Variants in SLC20A2 observed in about 807,000 individuals in gnomAD.
SLC20A2 encodes sodium-dependent phosphate transporter 2.
SLC20A2 carries 30 observed loss-of-function variants against 61.0 expected under a neutral mutation model. The ratio of observed to expected loss-of-function variants is 0.49; its 90% CI spans 0.37 to 0.67. The LOEUF (loss-of-function observed/expected upper bound fraction) is 0.67. SLC20A2 is among the 30% of genes least tolerant of loss of function. The pLI, the probability that SLC20A2 is intolerant of heterozygous loss-of-function variation, is 0.00. For synonymous variants in SLC20A2, 351 were observed against 353.3 expected, an observed-to-expected ratio of 0.99 and a Z score of 0.07; for missense variants, 626 against 866.4, an observed-to-expected ratio of 0.72 and a Z score of 3.48.
At chr8:42,481,990 T>C (rs532783638) in intron 1 of SLC20A2, among the ~76,000 whole-genome samples, 13 of 152,296 alleles carry the variant, frequency 8.5e-5, no homozygotes, top group Admixed American at 4.6e-4. Flanking sequence ...TGGGAAGGCA[T>C]TGCATAAATC....
In SLC20A2 at chr8:42,458,687, T is replaced by C. The variant is rs968144209; in HGVS notation, c.613+1209A>G. Among the ~76,000 whole-genome samples, 34 of 147,912 alleles carry C rather than the reference T, an allele frequency of 2.3e-4. 1 individual carries two copies. Among genetic ancestry groups the C allele is most frequent in the African/African-American group, 8.5e-4 (34 of 39,886 alleles). Reference sequence around the variant, plus strand: ...CTTTGGGAGGCCAAGGTGGGGCGGATCATGAGGTCAGGAGACTGAGACCAT... The same window carrying C: ...CTTTGGGAGGCCAAGGTGGGGCGGACCATGAGGTCAGGAGACTGAGACCAT... On this transcript the variant is annotated intron_variant, in intron 5 of 10. Transcript: ENST00000520262.
chr8:42,445,662 G>A (rs1297433771), intron 5 of SLC20A2, among the ~76,000 whole-genome samples: 1 of 152,118 alleles, frequency 6.6e-6, no homozygotes, highest in Non-Finnish European at 1.5e-5. Flanking sequence ...GGGAGGCGGA[G>A]GTTGCAGTGA....
intron 6 of SLC20A2, 83 bp from the exon 7 acceptor site, chr8:42,439,736 C>A: frequency 9.5e-7 from 1 of 1,047,626 alleles, no homozygotes; most frequent in South Asian, 1.4e-5. Flanking sequence ...GAATCTATAT[C>A]TTTATGCTTT....
intron 1 of SLC20A2, among the ~76,000 whole-genome samples, chr8:42,530,161 T>A (rs1812231557): frequency 6.6e-6 from 1 of 152,138 alleles, no homozygotes; most frequent in Non-Finnish European, 1.5e-5. Context: ...CAACCTAATT[T>A]ATCAGATGGT....
At chr8:42,438,937 G>A (rs1404469324) in intron 7 of SLC20A2, among the ~76,000 whole-genome samples, 1 of 152,106 alleles carries the variant, frequency 6.6e-6, no homozygotes, top group African/African-American at 2.4e-5. Flanking sequence ...GGCTGGTCTT[G>A]AATTCCTGAC....
At chr8:42,484,838 C>A in intron 1 of SLC20A2, 2 of 333,962 alleles carry the variant, frequency 6.0e-6, no homozygotes, top group South Asian at 5.2e-5. Flanking sequence ...GGGCATCCAG[C>A]CAGCTGGGTG....
chr8:42,524,594 T>C (rs1388176518), intron 1 of SLC20A2, among the ~76,000 whole-genome samples: 1 of 152,038 alleles, frequency 6.6e-6, no homozygotes, highest in Non-Finnish European at 1.5e-5. Context: ...GAGACCAGCC[T>C]TGCCAACATG....
chr8:42,527,381 GAA>G (rs35081913), intron 1 of SLC20A2, among the ~76,000 whole-genome samples: 17 of 147,148 alleles, frequency 1.2e-4, no homozygotes, highest in Admixed American at 1.4e-4. Context: ...CAAAATTAAG[GAA>G]AAAAAAAAAA....
chr8:42,523,351 A>AAAAT (rs1320958940), intron 1 of SLC20A2, among the ~76,000 whole-genome samples: 2 of 145,780 alleles, frequency 1.4e-5, no homozygotes, highest in Non-Finnish European at 1.5e-5. Context: ...ATAAATAAAT[A>AAAAT]AAATAAATAA....
At chr8:42,469,526 A>C (rs1264494746) in intron 2 of SLC20A2, among the ~76,000 whole-genome samples, 1 of 152,172 alleles carries the variant, frequency 6.6e-6, no homozygotes, top group Non-Finnish European at 1.5e-5. Context: ...CTTGTTCATG[A>C]ACCCTTCTGT....
upstream of SLC20A2, chr8:42,501,254 A>T (rs934932274): frequency 6.6e-6 from 1 of 152,226 alleles, no homozygotes; most frequent in Non-Finnish European, 1.5e-5. Flanking sequence ...GTGTGCCGGG[A>T]TTTATTCACT....
intron 1 of SLC20A2, among the ~76,000 whole-genome samples, chr8:42,500,418 A>G (rs2131345744): frequency 6.6e-6 from 1 of 152,232 alleles, no homozygotes; most frequent in East Asian, 1.9e-4. Flanking sequence ...GCCTTTGGTT[A>G]CTTTTGATAA....
chr8:42,516,953 ACT>A (rs933086278), intron 1 of SLC20A2, among the ~76,000 whole-genome samples: 7 of 151,576 alleles, frequency 4.6e-5, no homozygotes, highest in Non-Finnish European at 1.0e-4. Context: ...GCCTCAATAA[ACT>A]CTGAGCTACT....
At chr8:42,434,895 CGTGT>C (rs769243733) in intron 8 of SLC20A2, among the ~76,000 whole-genome samples, 5 of 151,682 alleles carry the variant, frequency 3.3e-5, no homozygotes, top group Non-Finnish European at 5.9e-5. Context: ...TGTGAGTGTG[CGTGT>C]GAGTGCGCAT....
intron 5 of SLC20A2, among the ~76,000 whole-genome samples, chr8:42,455,223 T>TA (rs1167685475): frequency 0.02 from 992 of 49,700 alleles, 12 homozygotes; most frequent in East Asian, 0.044. Flanking sequence ...AGACTCCGTC[T>TA]AAAAAAAAAA....
chr8:42,485,351 T>C (rs1036682783), intron 1 of SLC20A2, among the ~76,000 whole-genome samples: 1 of 152,038 alleles, frequency 6.6e-6, no homozygotes, highest in Non-Finnish European at 1.5e-5. Flanking sequence ...TTTAGAAAAC[T>C]TGGGGCTAGG....
chr8:42,522,367 C>G (rs1000688742), intron 1 of SLC20A2, among the ~76,000 whole-genome samples: 1 of 121,516 alleles, frequency 8.2e-6, no homozygotes, highest in Non-Finnish European at 2.0e-5. Flanking sequence ...AATACAATTT[C>G]AAAGCAAAAA....
intron 3 of SLC20A2, 80 bp downstream of exon 3, chr8:42,465,697 A>C: frequency 6.9e-7 from 1 of 1,446,438 alleles, no homozygotes; most frequent in Non-Finnish European, 9.3e-7. Context: ...GTCAAAAAAA[A>C]AAAAAAAGTA....
chr8:42,461,282 G>A (rs1487073698), intron 4 of SLC20A2, among the ~76,000 whole-genome samples: 1 of 152,030 alleles, frequency 6.6e-6, no homozygotes. Context: ...AAGAACCCAG[G>A]ATGAACTGAA....
Sources: allele counts gnomAD v4.1 joint callset (sites outside exome capture counted in the v4.1 genomes callset), GRCh38; gene constraint gnomAD v4.1.1; transcripts MANE v1.5; gene names NCBI Gene and HGNC (gene_info 2026-07-23, HGNC 2026-07-21).